Variants in FAF2 observed in about 807,000 individuals in gnomAD.
The protein encoded by FAF2 is FAS-associated factor 2.
A neutral mutation model predicts 62.3 loss-of-function variants in FAF2; 9 were observed. The ratio of observed to expected loss-of-function variants is 0.14; its 90% CI spans 0.09 to 0.25. The LOEUF is 0.25. Ranked by LOEUF, FAF2 falls within the 10% of genes least tolerant of loss-of-function variation. The pLI is 1.00. For synonymous variants in FAF2, 202 were observed against 198.0 expected (o/e 1.02, Z -0.17); for missense variants, 368 against 556.2 (o/e 0.66, Z 3.40).
At chr5:176,479,013 G>A (rs918276761) in intron 1 of FAF2, among the ~76,000 whole-genome samples, 175 bp from the exon 2 acceptor site, 11 of 152,056 alleles carry the variant, frequency 7.2e-5, no homozygotes, top group Admixed American at 5.2e-4. Context: ...AGTTCTTTAC[G>A]CATCTAGAAC....
intron 1 of FAF2, among the ~76,000 whole-genome samples, chr5:176,467,198 T>C (rs567749504): frequency 2.7e-5 from 4 of 146,952 alleles, no homozygotes; most frequent in African/African-American, 1.0e-4. Context: ...ATGGTAGCAA[T>C]TGATGACATT....
At chr5:176,496,887 G>A in intron 8 of FAF2, 1 of 315,440 alleles carries the variant, frequency 3.2e-6, no homozygotes, top group Non-Finnish European at 5.8e-6. Flanking sequence ...GCTGGGTGCA[G>A]TGGCTAACAC....
At chr5:176,466,294 CTGTG>C (rs1423158972) in intron 1 of FAF2, among the ~76,000 whole-genome samples, 1 of 152,208 alleles carries the variant, frequency 6.6e-6, no homozygotes, top group Non-Finnish European at 1.5e-5. Context: ...GCAAAGCTGT[CTGTG>C]TGGTCGGAAG....
In FAF2 at chr5:176,494,157, T is replaced by C. The variant is rs1561826817; in HGVS notation, c.570-27T>C. 6.2e-7 allele frequency: 1 copy of C among 1,612,158 alleles called. No individual in the cohort carries two copies. The highest frequency in any genetic ancestry group is 1.7e-5 in the Admixed American group (1 of 60,012). On this transcript the variant is annotated intron_variant, in intron 6 of 10. Transcript: ENST00000261942. The surrounding 1 kb of genome is among the most constrained non-coding windows in gnomAD (Gnocchi z 4.0). ...ACAGTTTATAGTCAGCAAGTTGTTCTCATATCCTTTTCATACCTTTCCACA... is the reference window on the plus strand; with the variant it reads ...ACAGTTTATAGTCAGCAAGTTGTTCCCATATCCTTTTCATACCTTTCCACA...
intron 1 of FAF2, 121 bp downstream of exon 1, chr5:176,448,591 TC>T (rs1410590932): frequency 7.6e-5 from 70 of 926,654 alleles, no homozygotes; most frequent in South Asian, 8.6e-5. Flanking sequence ...GCCGGCCCCC[TC>T]CCCCCCAGAC....
intron 1 of FAF2, among the ~76,000 whole-genome samples, chr5:176,470,226 T>C (rs1758540910): frequency 1.3e-5 from 2 of 152,342 alleles, no homozygotes; most frequent in Middle Eastern, 3.4e-3. Context: ...TTACTAATGG[T>C]TGGAACCACC....
chr5:176,467,888 G>A (rs1758499611), intron 1 of FAF2, among the ~76,000 whole-genome samples: 1 of 152,210 alleles, frequency 6.6e-6, no homozygotes, highest in Non-Finnish European at 1.5e-5. Context: ...TAGAAGGCTG[G>A]GTGTGGTGGC....
At chr5:176,472,872 A>C (rs1429080810) in intron 1 of FAF2, among the ~76,000 whole-genome samples, 1 of 152,182 alleles carries the variant, frequency 6.6e-6, no homozygotes, top group African/African-American at 2.4e-5. Context: ...CAACTTGCCA[A>C]GCTGGTTCTG....
At chr5:176,483,064 AT>A (rs973437412) in intron 2 of FAF2, among the ~76,000 whole-genome samples, 1 of 149,484 alleles carries the variant, frequency 6.7e-6, no homozygotes, top group African/African-American at 2.5e-5. Flanking sequence ...TATTTATTTT[AT>A]TTTTTTTGAG....
intron 4 of FAF2, among the ~76,000 whole-genome samples, chr5:176,491,468 C>T (rs1278491708): frequency 6.6e-6 from 1 of 152,206 alleles, no homozygotes; most frequent in Non-Finnish European, 1.5e-5. Context: ...GCAAAAGGTA[C>T]TTGCCCCTTT....
chr5:176,486,122 A>AAACTT, intron 2 of FAF2, among the ~76,000 whole-genome samples: 1 of 152,328 alleles, frequency 6.6e-6, no homozygotes, highest in South Asian at 2.1e-4. Context: ...GCATAAATGT[A>AAACTT]GCTTCCAGAC....
At chr5:176,499,943 A>C (rs1033152377) in intron 9 of FAF2, 60 bp from the exon 10 acceptor site, 1 of 1,590,688 alleles carries the variant, frequency 6.3e-7, no homozygotes, top group African/African-American at 1.4e-5. Flanking sequence ...TAATAAAGCT[A>C]CATGGTCATT....
At chr5:176,454,283 C>T (rs1758239069) in intron 1 of FAF2, among the ~76,000 whole-genome samples, 1 of 151,860 alleles carries the variant, frequency 6.6e-6, no homozygotes, top group Non-Finnish European at 1.5e-5. Context: ...ATCCCAGCTA[C>T]TCGGGAGGGT....
chr5:176,500,120 C>A lies in FAF2; in HGVS notation c.1129C>A (p.Arg377=), dbSNP rs1216935239. The A allele has an allele frequency of 1.9e-6, 3 of 1,613,990 alleles. No individual in the cohort carries two copies. Among genetic ancestry groups the A allele is most frequent in the African/African-American group, 1.3e-5 (1 of 74,922 alleles). The stretch of plus-strand genomic sequence containing the variant: ...ACCTAATGATTCTCGAGTAGAGAGA[C>A]GATTCCACTTTTCACAGTCTCTAAC... ...KLPNDSRVER[R]FHFSQSLTVI... Residue 377 remains arginine, a synonymous_variant, in exon 10 of 11, where the codon CGA becomes AGA. Coordinates refer to ENST00000261942, the MANE Select transcript of FAF2 (RefSeq NM_014613.3).
At chr5:176,472,042 C>G (rs879138761) in intron 1 of FAF2, among the ~76,000 whole-genome samples, 1 of 151,954 alleles carries the variant, frequency 6.6e-6, no homozygotes, top group Non-Finnish European at 1.5e-5. Flanking sequence ...TAAACATGAC[C>G]TTTTCCTAGG....
intron 1 of FAF2, among the ~76,000 whole-genome samples, chr5:176,470,253 C>T (rs1021901655): frequency 1.3e-5 from 2 of 152,238 alleles, no homozygotes; most frequent in East Asian, 1.9e-4. Flanking sequence ...TAGCCTCTCA[C>T]GCTACCCCAT....
intron 8 of FAF2, chr5:176,496,893 A>G: frequency 3.3e-6 from 1 of 301,094 alleles, no homozygotes; most frequent in Non-Finnish European, 6.1e-6. Context: ...TGCAGTGGCT[A>G]ACACCTGAAA....
chr5:176,487,003 G>A (rs1276386028), intron 3 of FAF2, among the ~76,000 whole-genome samples: 1 of 152,188 alleles, frequency 6.6e-6, no homozygotes, highest in South Asian at 2.1e-4. Context: ...GAAGTCAGAT[G>A]TGTACACTGA....
chr5:176,490,077 T>C (rs2963668), intron 4 of FAF2, among the ~76,000 whole-genome samples: 126,708 of 151,966 alleles, frequency 0.83, 53,038 homozygotes, highest in African/African-American at 0.92. Flanking sequence ...TTTGGGAGGC[T>C]GAGGTGGGCG....
Sources: allele counts gnomAD v4.1 joint callset (sites outside exome capture counted in the v4.1 genomes callset), GRCh38; gene constraint gnomAD v4.1.1; non-coding constraint Gnocchi (gnomAD v3.1); transcripts MANE v1.5; gene names NCBI Gene and HGNC (gene_info 2026-07-23, HGNC 2026-07-21).